DNAAF11: variants seen among roughly 807,000 people sequenced by gnomAD.
The protein encoded by DNAAF11 is dynein axonemal assembly factor 11, also known as leucine rich repeat containing 6.
DNAAF11 carries 45 observed loss-of-function variants against 60.8 expected under a neutral mutation model. That is an observed-to-expected ratio of 0.74 (90% CI 0.58 to 0.95). The LOEUF (loss-of-function observed/expected upper bound fraction) is 0.95, where lower values mean the gene tolerates loss of function less well. DNAAF11 is among the 40% of genes least tolerant of loss of function. The probability of loss-of-function intolerance (pLI) is 0.00; values close to 1 mark genes in which losing one functional copy is unlikely to be tolerated. For missense variants in DNAAF11, 546 were observed against 546.2 expected, an observed-to-expected ratio of 1.00 and a Z score of 0.00; for synonymous variants, 191 against 183.5, an observed-to-expected ratio of 1.04 and a Z score of -0.33.
chr8:132,643,370 T>C (rs1317674419), intron 3 of DNAAF11: 2 of 288,262 alleles, frequency 6.9e-6, no homozygotes, highest in East Asian at 8.0e-5. Context: ...AGCCCAGGAC[T>C]GACCTGCCTG....
chr8:132,673,867 T>C (rs1031789272), intron 1 of DNAAF11, among the ~76,000 whole-genome samples: 1 of 152,108 alleles, frequency 6.6e-6, no homozygotes, highest in African/African-American at 2.4e-5. Flanking sequence ...CCTCACTGTA[T>C]CCTGCATTCA....
At chr8:132,675,365 C>T in intron 1 of DNAAF11, 119 bp downstream of exon 1, 1 of 1,173,546 alleles carries the variant, frequency 8.5e-7, no homozygotes, top group Non-Finnish European at 1.2e-6. Flanking sequence ...GGGTTAGGGT[C>T]CGCCCAGGCG....
rs988698087 is a variant in DNAAF11, at chr8:132,621,102, G to A, written c.914+1509C>T. On this transcript the variant is annotated intron_variant, in intron 7 of 11. Coordinates refer to ENST00000620350, the MANE Select transcript of DNAAF11 (RefSeq NM_012472.6). ...ATGACTGCGGGAAGAAGGAGCAGGG[G>A]TGCTATATCTAGATGGCTTGTCCTT... 2.0e-5 allele frequency among the ~76,000 whole-genome samples: 3 copies of A among 152,296 alleles called. No homozygotes were observed. In the South Asian group the frequency reaches 6.2e-4, roughly 32 times the overall value.
chr8:132,678,556 A>C (rs186564982), upstream of DNAAF11, among the ~76,000 whole-genome samples: 132 of 151,938 alleles, frequency 8.7e-4, no homozygotes, highest in African/African-American at 3.0e-3. Flanking sequence ...ATATTTTTTT[A>C]GATTTTTTTA....
intron 3 of DNAAF11, among the ~76,000 whole-genome samples, chr8:132,645,628 A>C (rs192642222): frequency 2.2e-4 from 33 of 152,324 alleles, no homozygotes; most frequent in Non-Finnish European, 3.2e-4. Context: ...TAGAATAAAC[A>C]GCGTAGAGAA....
chr8:132,584,522 C>G (rs139617142), intron 10 of DNAAF11, among the ~76,000 whole-genome samples: 104 of 152,308 alleles, frequency 6.8e-4, no homozygotes, highest in African/African-American at 2.4e-3. Flanking sequence ...TTCTCCACCC[C>G]TCAACATTCC....
intron 4 of DNAAF11, among the ~76,000 whole-genome samples, chr8:132,635,544 T>C (rs1821210143): frequency 6.6e-6 from 1 of 152,106 alleles, no homozygotes; most frequent in Admixed American, 6.6e-5. Context: ...AGAAAAACCT[T>C]GAAAAGGGCT....
chr8:132,675,525 C>T lies in DNAAF11; in HGVS notation c.-32G>A, dbSNP rs752981877. On this transcript the variant is annotated 5_prime_UTR_variant, in exon 1 of 12. Transcript: ENST00000620350. ...TCTCCAGTTCGCTGACCCCGCAAGC[C>T]GGACCCGGACCTCGAATGACGCTTT... 4 of 1,552,606 alleles carry T rather than the reference C, an allele frequency of 2.6e-6. No individual in the cohort carries two copies. Among genetic ancestry groups the T allele is most frequent in the Non-Finnish European group, 3.5e-6 (4 of 1,144,354 alleles).
intron 9 of DNAAF11, 41 bp from the exon 10 acceptor site, chr8:132,610,302 C>G: frequency 7.4e-7 from 1 of 1,356,660 alleles, no homozygotes; most frequent in Non-Finnish European, 1.1e-6. Context: ...AGAGCAAGGA[C>G]GTTACATGAG....
At chr8:132,583,222 C>T (rs895228333) in intron 11 of DNAAF11, among the ~76,000 whole-genome samples, 28 of 152,096 alleles carry the variant, frequency 1.8e-4, no homozygotes, top group African/African-American at 6.5e-4. Context: ...GAGTGACACA[C>T]GGATCATAAA....
the DNAAF11 span, among the ~76,000 whole-genome samples, chr8:132,683,797 G>A: frequency 1.3e-5 from 2 of 151,626 alleles, no homozygotes; most frequent in Admixed American, 1.3e-4. Flanking sequence ...GGCAAGTCCA[G>A]GTGCCAGTTT....
At chr8:132,650,596 C>A (rs1822907158) in intron 3 of DNAAF11, among the ~76,000 whole-genome samples, 1 of 152,118 alleles carries the variant, frequency 6.6e-6, no homozygotes, top group African/African-American at 2.4e-5. Flanking sequence ...TAGGCTCAGG[C>A]ACTATATGAA....
chr8:132,659,613 G>C (rs1390897335), intron 2 of DNAAF11, among the ~76,000 whole-genome samples: 1 of 152,114 alleles, frequency 6.6e-6, no homozygotes, highest in Non-Finnish European at 1.5e-5. Flanking sequence ...CAATGTGCCA[G>C]AGTTTCTAAT....
At chr8:132,625,947 C>T (rs1479013606) in intron 5 of DNAAF11, among the ~76,000 whole-genome samples, 1 of 152,206 alleles carries the variant, frequency 6.6e-6, no homozygotes, top group Non-Finnish European at 1.5e-5. Flanking sequence ...CACACTACTT[C>T]CAGAAGGACT....
chr8:132,693,082 C>T, the DNAAF11 span, among the ~76,000 whole-genome samples: 4 of 152,114 alleles, frequency 2.6e-5, no homozygotes, highest in South Asian at 2.1e-4. Context: ...CAGGTGGGGA[C>T]GAAGAATGCA....
At chr8:132,678,639 C>A (rs955821190), upstream of DNAAF11, among the ~76,000 whole-genome samples, 1 of 151,982 alleles carries the variant, frequency 6.6e-6, no homozygotes, top group African/African-American at 2.4e-5. Context: ...CCCGCCTGGG[C>A]ATCTTAAAGT....
intron 10 of DNAAF11, among the ~76,000 whole-genome samples, chr8:132,596,803 C>G (rs977147863): frequency 1.3e-5 from 2 of 152,192 alleles, no homozygotes; most frequent in South Asian, 4.1e-4. Flanking sequence ...CCTGTTGCCC[C>G]CTGTAAGGAT....
the DNAAF11 span, among the ~76,000 whole-genome samples, chr8:132,682,745 T>G: frequency 1.5e-4 from 23 of 152,316 alleles, no homozygotes; most frequent in Non-Finnish European, 2.2e-4. Context: ...GAAAAAATAC[T>G]TATTTGGTTC....
At chr8:132,656,365 G>GTATC (rs1160658481) in intron 3 of DNAAF11, among the ~76,000 whole-genome samples, 2 of 152,134 alleles carry the variant, frequency 1.3e-5, no homozygotes, top group African/African-American at 4.8e-5. Context: ...TTGAATTTAT[G>GTATC]TATCACCTTA....
Sources: allele counts gnomAD v4.1 joint callset (sites outside exome capture counted in the v4.1 genomes callset), GRCh38; gene constraint gnomAD v4.1.1; transcripts MANE v1.5; gene names NCBI Gene and HGNC (gene_info 2026-07-23, HGNC 2026-07-21).